MAGI2: variants seen among roughly 807,000 people sequenced by gnomAD.
MAGI2 encodes membrane-associated guanylate kinase, WW and PDZ domain-containing protein 2.
In MAGI2, 35 loss-of-function variants were observed where a neutral mutation model predicts 133.3. The ratio of observed to expected loss-of-function variants is 0.26; its 90% CI spans 0.20 to 0.35. The LOEUF (loss-of-function observed/expected upper bound fraction) is 0.35, where lower values mean the gene tolerates loss of function less well. MAGI2 is among the 10% of genes least tolerant of loss of function. The probability of loss-of-function intolerance (pLI) is 1.00; values close to 1 mark genes in which losing one functional copy is unlikely to be tolerated. For missense variants in MAGI2, 1,636 were observed against 1,863.4 expected (o/e 0.88, Z 2.25); for synonymous variants, 729 against 710.6 (o/e 1.03, Z -0.41).
chr7:78,993,978 A>G (rs1296350324), intron 2 of MAGI2, among the ~76,000 whole-genome samples: 2 of 152,088 alleles, frequency 1.3e-5, no homozygotes, highest in Non-Finnish European at 2.9e-5. Flanking sequence ...CTGAGCCAGA[A>G]TTGGGGCATT....
rs1038572648 is a variant in MAGI2, at chr7:79,294,356, GA to G, written c.301+158663del. On this transcript the variant is annotated intron_variant, in intron 1 of 21. Coordinates refer to ENST00000354212, the MANE Select transcript of MAGI2 (RefSeq NM_012301.4). ...AAATAGAATTTATTGGGCAGAAAAGGAAAAAAAAAACTCAGCAAAGCTAGAG... is the reference window on the plus strand; with the variant it reads ...AAATAGAATTTATTGGGCAGAAAAGGAAAAAAAAACTCAGCAAAGCTAGAG... Among the ~76,000 whole-genome samples, 338 of 148,128 alleles carry G rather than the reference GA, an allele frequency of 2.3e-3. 14 individuals are homozygous for G. The highest frequency in any genetic ancestry group is 0.02 in the Admixed American group (303 of 14,784).
chr7:79,250,348 CAAA>C (rs61147108), intron 1 of MAGI2, among the ~76,000 whole-genome samples: 3 of 130,496 alleles, frequency 2.3e-5, no homozygotes, highest in Non-Finnish European at 3.2e-5. Flanking sequence ...ATGACTCTAC[CAAA>C]AAAAAAAAAA....
intron 2 of MAGI2, among the ~76,000 whole-genome samples, chr7:78,969,247 G>T (rs1031906291): frequency 1.3e-5 from 2 of 152,008 alleles, no homozygotes; most frequent in African/African-American, 4.8e-5. Context: ...CTGTGTAAAT[G>T]GCACACCTGG....
intron 2 of MAGI2, among the ~76,000 whole-genome samples, chr7:78,704,214 A>G (rs1585137887): frequency 6.6e-6 from 1 of 152,116 alleles, no homozygotes; most frequent in Non-Finnish European, 1.5e-5. Context: ...ACTTAAACAA[A>G]TTACAACAAA....
chr7:78,765,005 G>A (rs1329752020), intron 2 of MAGI2, among the ~76,000 whole-genome samples: 1 of 152,316 alleles, frequency 6.6e-6, no homozygotes, highest in Admixed American at 6.5e-5. Flanking sequence ...GGAGATTCAG[G>A]AAAAGAGGTA....
rs747230358 is a variant in MAGI2 at position 78,083,387 on chromosome 7, GGAGAGAGAGA to G, written c.3568-4312_3568-4303del. Among the ~76,000 whole-genome samples the G allele has an allele frequency of 4.3e-3, 143 of 33,300 alleles. 1 individual carries two copies. The highest frequency in any genetic ancestry group is 0.013 in the African/African-American group (99 of 7,762). 21.8% of individuals were successfully genotyped at this position (33,300 alleles called of 152,430 possible). A position where few individuals can be genotyped will look rare whatever the true frequency, so the allele number is the denominator to read the frequency against. ...GGGGGCGGGGGAGGGAGGGAGGGGG[GGAGAGAGAGA>G]GAGAGAGAGAGAGAGAGAGAGAGAG... On this transcript the variant is annotated intron_variant, in intron 20 of 21. Transcript: ENST00000354212.
At chr7:78,539,564 T>C (rs1298307802) in intron 3 of MAGI2, among the ~76,000 whole-genome samples, 1 of 152,234 alleles carries the variant, frequency 6.6e-6, no homozygotes, top group Non-Finnish European at 1.5e-5. Context: ...ACTTTTGCTG[T>C]ATTCCAGAGC....
intron 2 of MAGI2, among the ~76,000 whole-genome samples, chr7:78,889,663 C>T (rs912371608): frequency 3.9e-5 from 6 of 152,182 alleles, no homozygotes; most frequent in Admixed American, 1.3e-4. Flanking sequence ...AAATACTTTA[C>T]AGACAAGCAA....
At chr7:78,962,616 A>G (rs899255969) in intron 2 of MAGI2, among the ~76,000 whole-genome samples, 20 of 138,080 alleles carry the variant, frequency 1.4e-4, no homozygotes, top group East Asian at 1.2e-3. Flanking sequence ...AAAATTGTAG[A>G]AAAAAAAAAG....
At chr7:78,386,725 G>A (rs1388657886) in intron 6 of MAGI2, among the ~76,000 whole-genome samples, 10 of 152,192 alleles carry the variant, frequency 6.6e-5, no homozygotes, top group South Asian at 6.2e-4. Context: ...ACAGTGTGAT[G>A]TGATGCAGGA....
chr7:79,001,491 T>C lies in MAGI2; in HGVS notation c.418+5599A>G, dbSNP rs765362029. Among the ~76,000 whole-genome samples, 32 of 152,208 alleles carry C rather than the reference T, an allele frequency of 2.1e-4. 1 individual carries two copies. The highest frequency in any genetic ancestry group is 6.6e-4 in the Admixed American group (10 of 15,266). On this transcript the variant is annotated intron_variant, in intron 2 of 21. Transcript: ENST00000354212. ...TGTCTAAAATTTATATCTGTTCTTA[T>C]ACTTGCTTCAAAAATTAATTTGTGT...
intron 11 of MAGI2, among the ~76,000 whole-genome samples, chr7:78,198,053 T>C (rs570287069): frequency 1.3e-5 from 2 of 152,340 alleles, no homozygotes; most frequent in South Asian, 2.1e-4. Flanking sequence ...CCCTGGATTC[T>C]GATCCTGTCG....
In MAGI2 at chr7:78,853,332, C is replaced by CTTTTTTTTTTTTTTTTTTTTTTTTTT. The variant is rs60580466; in HGVS notation, c.418+153732_418+153757dup. Among the ~76,000 whole-genome samples the CTTTTTTTTTTTTTTTTTTTTTTTTTT allele has an allele frequency of 2.0e-4, 5 of 25,076 alleles. 2 individuals are homozygous for CTTTTTTTTTTTTTTTTTTTTTTTTTT. The highest frequency in any genetic ancestry group is 3.6e-4 in the Non-Finnish European group (5 of 13,910). The allele number at this position is 25,076 out of a possible 152,430, so 16.5% of individuals were successfully genotyped here. A position where few individuals can be genotyped will look rare whatever the true frequency, so the allele number is the denominator to read the frequency against. ...CTCATATTACTCTTGTCCATTCGTT[C>CTTTTTTTTTTTTTTTTTTTTTTTTTT]TTTTTTTTTTTTTTTTTTTTTTTTT... is the stretch of plus-strand genomic sequence containing the variant. On this transcript the variant is annotated intron_variant, in intron 2 of 21. Coordinates refer to ENST00000354212, the MANE Select transcript of MAGI2 (RefSeq NM_012301.4).
Position 78,469,104 on chromosome 7 carries a change from A to G in MAGI2, c.1045+20657T>C, listed in dbSNP as rs117575511. Among the ~76,000 whole-genome samples, 1,332 of 152,302 alleles carry G rather than the reference A, an allele frequency of 8.7e-3. 7 individuals are homozygous for G. The highest frequency in any genetic ancestry group is 0.014 in the Non-Finnish European group (937 of 68,020). On this transcript the variant is annotated intron_variant, in intron 6 of 21. Coordinates refer to ENST00000354212, the MANE Select transcript of MAGI2 (RefSeq NM_012301.4). The stretch of plus-strand genomic sequence containing the variant: ...ATATTCTCAGAAAACAAGTTTAAAT[A>G]CAGTTTATGATATATATCCATTTGA...
chr7:79,109,240 T>C (rs1818707630), intron 1 of MAGI2, among the ~76,000 whole-genome samples: 1 of 152,094 alleles, frequency 6.6e-6, no homozygotes, highest in Admixed American at 6.6e-5. Context: ...GACAGGAAGA[T>C]GAGGGAAGCC....
chr7:79,154,932 C>A (rs1823617588), intron 1 of MAGI2, among the ~76,000 whole-genome samples: 1 of 152,216 alleles, frequency 6.6e-6, no homozygotes, highest in Non-Finnish European at 1.5e-5. Context: ...CTATTTTGCG[C>A]ATGGCTTGCA....
chr7:78,397,740 T>C (rs1796490043), intron 6 of MAGI2, among the ~76,000 whole-genome samples: 2 of 152,140 alleles, frequency 1.3e-5, no homozygotes, highest in African/African-American at 4.8e-5. Flanking sequence ...CCAGTTTCGC[T>C]TCTCACATGA....
chr7:78,885,176 C>T (rs1796165408), intron 2 of MAGI2, among the ~76,000 whole-genome samples: 1 of 152,014 alleles, frequency 6.6e-6, no homozygotes, highest in South Asian at 2.1e-4. Context: ...GAGAGGGGAA[C>T]AGGGGCTGAA....
At chr7:78,483,941 C>G (rs1406259450) in intron 6 of MAGI2, among the ~76,000 whole-genome samples, 8 of 151,954 alleles carry the variant, frequency 5.3e-5, no homozygotes, top group Admixed American at 3.9e-4. Flanking sequence ...TTCCAAGGTG[C>G]TTTGCAAACA....
Sources: allele counts gnomAD v4.1 joint callset (sites outside exome capture counted in the v4.1 genomes callset), GRCh38; gene constraint gnomAD v4.1.1; transcripts MANE v1.5; gene names NCBI Gene and HGNC (gene_info 2026-07-23, HGNC 2026-07-21).